NBAS: variants seen among roughly 807,000 people sequenced by gnomAD.
NBAS encodes NAG/BC035112 fusion.
In NBAS, 219 loss-of-function variants were observed where a neutral mutation model predicts 302.5. The ratio of observed to expected loss-of-function variants is 0.72; its 90% CI spans 0.65 to 0.81. The LOEUF (loss-of-function observed/expected upper bound fraction) is 0.81. NBAS is among the 30% of genes least tolerant of loss of function. The pLI is 0.00. For missense variants in NBAS, 2,932 were observed against 2,841.6 expected (o/e 1.03, Z -0.72); for synonymous variants, 1,118 against 1,021.6 (o/e 1.09, Z -1.80).
chr2:15,007,784 T>C, the NBAS span, among the ~76,000 whole-genome samples: 2 of 152,218 alleles, frequency 1.3e-5, no homozygotes, highest in Admixed American at 1.3e-4. Flanking sequence ...CAAAATGTTT[T>C]GAAAATGAAA....
chr2:15,368,357 G>T (rs546971025), intron 31 of NBAS, among the ~76,000 whole-genome samples: 2 of 151,806 alleles, frequency 1.3e-5, no homozygotes, highest in South Asian at 4.2e-4. Flanking sequence ...GTGCCACCAC[G>T]CCTGGCTAAC....
intron 25 of NBAS, among the ~76,000 whole-genome samples, chr2:15,413,065 C>G (rs74630431): frequency 1.3e-5 from 2 of 152,148 alleles, no homozygotes; most frequent in African/African-American, 4.8e-5. Flanking sequence ...AAACAACTTG[C>G]GTAACCTCCT....
At chr2:15,238,741 T>C (rs1667724505) in intron 44 of NBAS, 55 bp from the exon 45 acceptor site, 2 of 1,483,824 alleles carry the variant, frequency 1.3e-6, no homozygotes, top group East Asian at 2.3e-5. Context: ...CTATTGCATA[T>C]TCAGCAAGTG....
the NBAS span, among the ~76,000 whole-genome samples, chr2:14,940,706 G>A: frequency 6.6e-6 from 1 of 152,128 alleles, no homozygotes; most frequent in Admixed American, 6.5e-5. Flanking sequence ...GACCCTTTTA[G>A]TCTCTTCCCT....
At chr2:15,006,958 G>A in the NBAS span, among the ~76,000 whole-genome samples, 5 of 152,174 alleles carry the variant, frequency 3.3e-5, no homozygotes, top group Non-Finnish European at 1.5e-5. Context: ...TGTTGGTCAT[G>A]AGCCTTCACT....
At chr2:14,847,654 C>A in the NBAS span, among the ~76,000 whole-genome samples, 6 of 152,056 alleles carry the variant, frequency 3.9e-5, no homozygotes, top group Non-Finnish European at 7.4e-5. Flanking sequence ...ATTATTAGGG[C>A]TAAGGAGATA....
chr2:14,992,399 G>A, the NBAS span, among the ~76,000 whole-genome samples: 3 of 152,100 alleles, frequency 2.0e-5, no homozygotes, highest in East Asian at 5.8e-4. Flanking sequence ...CTGACAAGGG[G>A]AACCATACAT....
chr2:14,779,094 G>T, the NBAS span, among the ~76,000 whole-genome samples: 1 of 152,152 alleles, frequency 6.6e-6, no homozygotes, highest in African/African-American at 2.4e-5. Flanking sequence ...CAGAGTTCAG[G>T]TAATCAATGC....
At chr2:15,290,718 A>G (rs1670268859) in intron 41 of NBAS, among the ~76,000 whole-genome samples, 1 of 152,224 alleles carries the variant, frequency 6.6e-6, no homozygotes, top group African/African-American at 2.4e-5. Flanking sequence ...GGCTTAGGTT[A>G]CTTTCAAATT....
At chr2:15,013,804 A>C in the NBAS span, among the ~76,000 whole-genome samples, 1 of 152,104 alleles carries the variant, frequency 6.6e-6, no homozygotes. Context: ...TTAATTAATT[A>C]AAATAAAAAT....
the NBAS span, among the ~76,000 whole-genome samples, chr2:14,787,044 T>C: frequency 0.032 from 4,936 of 152,280 alleles, 252 homozygotes; most frequent in African/African-American, 0.11. Flanking sequence ...AGTTAGCTCT[T>C]CTTGTTGAAT....
At chr2:15,443,505 A>C (rs934583987) in intron 21 of NBAS, among the ~76,000 whole-genome samples, 4 of 151,718 alleles carry the variant, frequency 2.6e-5, no homozygotes, top group Non-Finnish European at 4.4e-5. Flanking sequence ...ACGTATCTCA[A>C]AATAATAAGA....
intron 25 of NBAS, among the ~76,000 whole-genome samples, chr2:15,412,223 T>C (rs1286368528): frequency 6.6e-6 from 1 of 152,120 alleles, no homozygotes; most frequent in Admixed American, 6.5e-5. Flanking sequence ...CCTGCCCCAT[T>C]AACATCAAGC....
the NBAS span, chr2:14,890,777 C>G: frequency 1.7e-3 from 257 of 155,722 alleles, 1 homozygote; most frequent in Non-Finnish European, 2.4e-3. Flanking sequence ...GAGATCGGAT[C>G]GCACCATTGC....
chr2:15,088,345 G>T, the NBAS span, among the ~76,000 whole-genome samples: 1 of 152,172 alleles, frequency 6.6e-6, no homozygotes, highest in Non-Finnish European at 1.5e-5. Context: ...TCTGACAAGA[G>T]ACAATTTTTA....
chr2:14,883,894 G>A, the NBAS span, among the ~76,000 whole-genome samples: 4 of 151,674 alleles, frequency 2.6e-5, no homozygotes, highest in African/African-American at 9.7e-5. Context: ...CTATGAGGTT[G>A]AGACTGCAGT....
At position 15,330,484 on chromosome 2, in the gene NBAS, T is replaced by C. The variant is rs191911803; in HGVS notation, c.4347+114A>G. 2.4e-5 allele frequency: 33 copies of C among 1,381,752 alleles called. No individual in the cohort carries two copies. In the African/African-American group the frequency reaches 3.2e-4, roughly 13 times the overall value. 85.6% of individuals were successfully genotyped at this position (1,381,752 alleles called of 1,614,324 possible). On this transcript the variant is annotated intron_variant, in intron 36 of 51. Coordinates refer to ENST00000281513, the MANE Select transcript of NBAS (RefSeq NM_015909.4). ...TGAGAGGCCTACATTTCTTAAGAGA[T>C]TGTTTTAACAATCTAGAGAAGATAA...
At position 15,172,686 on chromosome 2, in the gene NBAS, G is replaced by A. The variant is rs968228701; in HGVS notation, c.6841-5363C>T. 2.0e-4 allele frequency among the ~76,000 whole-genome samples: 30 copies of A among 152,282 alleles called. No individual in the cohort carries two copies. The South Asian group carries it at 5.2e-3, about 26-fold the overall frequency. On this transcript the variant is annotated intron_variant, in intron 51 of 51. Transcript: ENST00000281513. ...GCCAGTGGGTTGACTGGTGCTTAAGGGGCATGAGAAAGAAAATATATTCTG... is the reference window on the plus strand; with the variant it reads ...GCCAGTGGGTTGACTGGTGCTTAAGAGGCATGAGAAAGAAAATATATTCTG...
At chr2:15,160,302 C>T in the NBAS span, among the ~76,000 whole-genome samples, 518 of 152,200 alleles carry the variant, frequency 3.4e-3, 4 homozygotes, top group South Asian at 0.018. Flanking sequence ...CTTAAGAAGG[C>T]ATTCAAACAG....
Sources: allele counts gnomAD v4.1 joint callset (sites outside exome capture counted in the v4.1 genomes callset), GRCh38; gene constraint gnomAD v4.1.1; transcripts MANE v1.5; gene names NCBI Gene and HGNC (gene_info 2026-07-23, HGNC 2026-07-21).